The following FUT8 variants were observed in gnomAD, a reference collection of about 807,000 sequenced individuals.
FUT8 encodes the protein fucosyltransferase 8, also known as alpha-(1,6)-fucosyltransferase.
FUT8 carries 29 observed loss-of-function variants against 71.3 expected under a neutral mutation model. The ratio of observed to expected loss-of-function variants is 0.41; its 90% CI spans 0.30 to 0.55. The LOEUF (loss-of-function observed/expected upper bound fraction) is 0.55. Ranked by LOEUF, FUT8 falls within the 20% of genes least tolerant of loss-of-function variation. FUT8 has a pLI of 0.34. For synonymous variants in FUT8, 254 were observed against 239.3 expected (o/e 1.06, Z -0.57); for missense variants, 544 against 702.1 (o/e 0.77, Z 2.55).
At chr14:65,401,092 C>G in the FUT8 span, among the ~76,000 whole-genome samples, 33 of 152,116 alleles carry the variant, frequency 2.2e-4, no homozygotes, top group Admixed American at 6.5e-5. Context: ...GCTCCAAAAG[C>G]CCACTTGACT....
chr14:65,488,664 G>A (rs1221556618), intron 2 of FUT8: 3 of 152,096 alleles, frequency 2.0e-5, no homozygotes, highest in African/African-American at 7.2e-5. Flanking sequence ...AATCTTCTTA[G>A]TATCTGCTAG....
At chr14:65,519,150 T>C (rs1472643819) in intron 2 of FUT8, among the ~76,000 whole-genome samples, 1 of 152,200 alleles carries the variant, frequency 6.6e-6, no homozygotes, top group Non-Finnish European at 1.5e-5. Context: ...AAATGATTTA[T>C]GGTATGGAAC....
intron 1 of FUT8, among the ~76,000 whole-genome samples, chr14:65,420,711 C>T (rs182854939): frequency 5.3e-5 from 8 of 152,124 alleles, no homozygotes; most frequent in African/African-American, 1.9e-4. Flanking sequence ...TTGAACAGCA[C>T]TGGGTTTGGG....
At chr14:65,670,421 T>A (rs1228077914) in intron 7 of FUT8, among the ~76,000 whole-genome samples, 2 of 152,190 alleles carry the variant, frequency 1.3e-5, no homozygotes, top group African/African-American at 2.4e-5. Context: ...TATGAACTTA[T>A]ATCTAGTAAT....
chr14:65,598,159 C>T (rs769386918), intron 3 of FUT8, among the ~76,000 whole-genome samples: 1 of 152,158 alleles, frequency 6.6e-6, no homozygotes. Context: ...GAAAGAGACC[C>T]TGTCTCAAAA....
intron 5 of FUT8, among the ~76,000 whole-genome samples, chr14:65,618,051 A>G (rs28665310): frequency 0.22 from 18,520 of 82,358 alleles, 2,147 homozygotes; most frequent in South Asian, 0.36. Context: ...ATATATATAT[A>G]TATGTATGTA....
intron 9 of FUT8, among the ~76,000 whole-genome samples, chr14:65,725,500 A>G (rs1045414457): frequency 6.6e-5 from 10 of 152,202 alleles, no homozygotes; most frequent in Non-Finnish European, 1.5e-4. Flanking sequence ...AAATGTATGT[A>G]AAAGTAGGAA....
chr14:65,389,719 T>G, the FUT8 span, among the ~76,000 whole-genome samples: 4 of 151,964 alleles, frequency 2.6e-5, no homozygotes, highest in African/African-American at 4.8e-5. Context: ...CCTTCCAAAG[T>G]GCCGGGATTA....
chr14:65,469,472 T>C (rs1263011018), intron 2 of FUT8, among the ~76,000 whole-genome samples: 6 of 151,856 alleles, frequency 4.0e-5, no homozygotes, highest in African/African-American at 1.4e-4. Flanking sequence ...CTTTAAGGTG[T>C]TGCTTTTCTG....
intron 3 of FUT8, among the ~76,000 whole-genome samples, chr14:65,615,318 G>C (rs1286824544): frequency 6.6e-6 from 1 of 152,072 alleles, no homozygotes; most frequent in Non-Finnish European, 1.5e-5. Flanking sequence ...TGTTGCCCAG[G>C]CTGGCCATGA....
rs191625453 is a variant in FUT8, at chr14:65,459,168, T to C, written c.-228+3450T>C. Among the ~76,000 whole-genome samples the C allele has an allele frequency of 1.8e-3, 275 of 152,296 alleles. 2 individuals carry two copies. Among genetic ancestry groups the C allele is most frequent in the African/African-American group, 6.4e-3 (264 of 41,564 alleles). ...AGCTATTTCTGAAAGAGAATAGTTA[T>C]CTGTTCAACGGGCAAATACAACACA... On this transcript the variant is annotated intron_variant, in intron 2 of 10. Transcript: ENST00000673929.
chr14:65,393,081 G>A, the FUT8 span, among the ~76,000 whole-genome samples: 1 of 152,114 alleles, frequency 6.6e-6, no homozygotes, highest in Non-Finnish European at 1.5e-5. Flanking sequence ...GATAAGGTGG[G>A]TGCTACTGAC....
intron 10 of FUT8, among the ~76,000 whole-genome samples, chr14:65,739,505 C>T (rs557550635): frequency 4.6e-5 from 7 of 151,998 alleles, no homozygotes; most frequent in African/African-American, 9.6e-5. Flanking sequence ...GGACAGGGTG[C>T]GATGTTGTTT....
At chr14:65,666,213 T>C (rs1180796677) in intron 6 of FUT8, among the ~76,000 whole-genome samples, 129 of 152,278 alleles carry the variant, frequency 8.5e-4, no homozygotes, top group Admixed American at 8.4e-3. Flanking sequence ...CTTAAATATG[T>C]ACATACGGTT....
At chr14:65,509,442 A>G (rs1882190235) in intron 2 of FUT8, among the ~76,000 whole-genome samples, 1 of 151,716 alleles carries the variant, frequency 6.6e-6, no homozygotes, top group Non-Finnish European at 1.5e-5. Flanking sequence ...GGTTTTTTTT[A>G]TATCTCTGTT....
chr14:65,541,575 C>T (rs962408431), intron 2 of FUT8, among the ~76,000 whole-genome samples: 6 of 152,154 alleles, frequency 3.9e-5, no homozygotes, highest in Non-Finnish European at 8.8e-5. Context: ...TTCACCCATC[C>T]TCAACCTTTT....
Position 65,744,013 on chromosome 14 carries a change from T to C in FUT8, c.*1603T>C, listed in dbSNP as rs1896620967. On this transcript the variant is annotated 3_prime_UTR_variant, in exon 11 of 11. Coordinates refer to ENST00000673929, the MANE Select transcript of FUT8 (RefSeq NM_001371533.1). ...AATTTCACCACCAAACTTAACTAAA[T>C]TCTTTTTCTCAAGTCAAGCCTCCCA... 1 of 151,906 alleles carries C rather than the reference T, an allele frequency of 6.6e-6. No homozygotes were observed. The highest frequency in any genetic ancestry group is 1.5e-5 in the Non-Finnish European group (1 of 67,882). 9.4% of individuals were successfully genotyped at this position (151,906 alleles called of 1,614,324 possible). A position where few individuals can be genotyped will look rare whatever the true frequency, so the allele number is the denominator to read the frequency against.
intron 1 of FUT8, among the ~76,000 whole-genome samples, chr14:65,425,169 CTT>C (rs869280083): frequency 4.9e-5 from 7 of 143,708 alleles, no homozygotes; most frequent in Admixed American, 6.9e-5. Context: ...AATGGAGTTT[CTT>C]TTTTTTTTTT....
At chr14:65,384,239 TTAAAA>T in the FUT8 span, among the ~76,000 whole-genome samples, 1 of 152,176 alleles carries the variant, frequency 6.6e-6, no homozygotes, top group Admixed American at 6.5e-5. The surrounding 1 kb of genome is among the most constrained non-coding windows in gnomAD (Gnocchi z 4.2). Flanking sequence ...AATTCTCTTC[TTAAAA>T]TTAAAGGAAA....
Sources: gnomAD v4.1 joint callset for allele counts (sites outside exome capture counted in the v4.1 genomes callset) on GRCh38, gnomAD v4.1.1 for gene constraint, Gnocchi (gnomAD v3.1) non-coding constraint, MANE v1.5 for transcripts, NCBI Gene and HGNC (gene_info 2026-07-23, HGNC 2026-07-21) for gene names.